The following NEDD4 variants were observed in gnomAD, a reference collection of about 807,000 sequenced individuals.
The protein encoded by NEDD4 is NEDD4 E3 ubiquitin protein ligase, also known as E3 ubiquitin-protein ligase NEDD4.
In NEDD4, 99 loss-of-function variants were observed where a neutral mutation model predicts 144.9. That is an observed-to-expected ratio of 0.68 (90% CI 0.58 to 0.81). The LOEUF is 0.81. NEDD4 is among the 30% of genes least tolerant of loss of function. The pLI, the probability that NEDD4 is intolerant of heterozygous loss-of-function variation, is 0.00. For missense variants in NEDD4, 985 were observed against 1,065.9 expected (o/e 0.92, Z 1.06); for synonymous variants, 318 against 350.6 (o/e 0.91, Z 1.04).
intron 2 of NEDD4, among the ~76,000 whole-genome samples, chr15:55,955,126 A>T (rs1341918256): frequency 6.6e-6 from 1 of 151,654 alleles, no homozygotes; most frequent in Non-Finnish European, 1.5e-5. Context: ...GGCTCAAGCA[A>T]TCCTCCCACC....
chr15:55,859,443 C>T (rs1441226338), intron 11 of NEDD4, among the ~76,000 whole-genome samples: 2 of 152,160 alleles, frequency 1.3e-5, no homozygotes, highest in Admixed American at 6.5e-5. Context: ...CCTGTAATCC[C>T]AGCACTTTGG....
intron 1 of NEDD4, among the ~76,000 whole-genome samples, chr15:55,984,896 G>C (rs2037864957): frequency 6.6e-6 from 1 of 152,198 alleles, no homozygotes; most frequent in Admixed American, 6.5e-5. Flanking sequence ...TCAGCTATCT[G>C]ACTTAAAGAT....
chr15:55,988,375 G>C (rs1442469701), intron 1 of NEDD4, among the ~76,000 whole-genome samples: 1 of 129,800 alleles, frequency 7.7e-6, no homozygotes, highest in Non-Finnish European at 1.6e-5. Flanking sequence ...CCTAATGCTA[G>C]ATGACACGTT....
chr15:55,949,368 T>C (rs2037186809), intron 4 of NEDD4, among the ~76,000 whole-genome samples: 1 of 152,150 alleles, frequency 6.6e-6, no homozygotes, highest in Non-Finnish European at 1.5e-5. Context: ...GTAAACTAGT[T>C]CAACCATTGT....
chr15:55,880,710 A>G (rs1207798374), intron 5 of NEDD4, among the ~76,000 whole-genome samples: 1 of 152,156 alleles, frequency 6.6e-6, no homozygotes, highest in East Asian at 1.9e-4. Flanking sequence ...TCAGAGTAAC[A>G]GTTATGTAAC....
intron 18 of NEDD4, 68 bp downstream of exon 18, chr15:55,846,901 A>G: frequency 9.7e-7 from 1 of 1,025,772 alleles, no homozygotes; most frequent in Non-Finnish European, 1.5e-6. Context: ...TTACTGTAAA[A>G]AACATTTCCC....
intron 4 of NEDD4, among the ~76,000 whole-genome samples, chr15:55,931,495 T>C: frequency 6.6e-6 from 1 of 152,054 alleles, no homozygotes; most frequent in African/African-American, 2.4e-5. Context: ...AGATGATATT[T>C]TAAGGAAAGG....
At chr15:55,837,228 G>A (rs2033248945) in intron 24 of NEDD4, among the ~76,000 whole-genome samples, 1 of 152,066 alleles carries the variant, frequency 6.6e-6, no homozygotes, top group Admixed American at 6.6e-5. Context: ...TCTGGAGTTT[G>A]AGACCAGCCC....
At chr15:55,928,365 C>T (rs2036716468) in intron 4 of NEDD4, among the ~76,000 whole-genome samples, 1 of 152,160 alleles carries the variant, frequency 6.6e-6, no homozygotes, top group Non-Finnish European at 1.5e-5. Context: ...ACCTAGAAGA[C>T]ATTTAAGCCA....
intron 5 of NEDD4, chr15:55,916,380 A>C (rs2036445452): frequency 6.2e-7 from 1 of 1,613,956 alleles, no homozygotes; most frequent in African/African-American, 1.3e-5. Flanking sequence ...AAAGTTACTA[A>C]GGCTACCACT....
chr15:55,889,839 T>TA (rs2142116848), intron 5 of NEDD4, among the ~76,000 whole-genome samples: 1 of 152,216 alleles, frequency 6.6e-6, no homozygotes, highest in Admixed American at 6.5e-5. Flanking sequence ...TAGCTAGAAT[T>TA]ACAGGCATGT....
chr15:55,929,795 T>C (rs535482635), intron 4 of NEDD4, among the ~76,000 whole-genome samples: 1 of 152,158 alleles, frequency 6.6e-6, no homozygotes, highest in East Asian at 1.9e-4. Flanking sequence ...AAAGAGATAA[T>C]TTAGGAAACA....
At chr15:55,861,311 T>C (rs932621833) in intron 9 of NEDD4, among the ~76,000 whole-genome samples, 3 of 152,176 alleles carry the variant, frequency 2.0e-5, no homozygotes, top group Non-Finnish European at 4.4e-5. Context: ...ATTACATATC[T>C]ATTAGTAATG....
chr15:55,879,816 CAGAA>C (rs1161023396), intron 5 of NEDD4, among the ~76,000 whole-genome samples: 5 of 151,976 alleles, frequency 3.3e-5, no homozygotes, highest in African/African-American at 1.2e-4. Flanking sequence ...AAAAAATTCT[CAGAA>C]AGTAGAACTA....
At chr15:55,929,685 TAGAG>T (rs1181336339) in intron 4 of NEDD4, among the ~76,000 whole-genome samples, 3 of 152,202 alleles carry the variant, frequency 2.0e-5, no homozygotes, top group Non-Finnish European at 2.9e-5. Flanking sequence ...GCATTTTACC[TAGAG>T]AAACAACAGA....
chr15:55,860,672 C>G lies in NEDD4; in HGVS notation c.781G>C (p.Glu261Gln). Residue 261 changes from glutamate to glutamine, a missense_variant, in exon 10 of 29, where the codon GAG (glutamate) becomes CAG (glutamine). Coordinates refer to ENST00000435532, the MANE Select transcript of NEDD4 (RefSeq NM_006154.4). The stretch of plus-strand genomic sequence containing the variant: ...GAAACTACTTATACCTCGGAAGACT[C>G]TCGGTTGTCAACACTTTCTGTTTCC... ...SEETESVDNR[E>Q]SSENWEIIRE... 1 of 1,614,134 alleles carries G rather than the reference C, an allele frequency of 6.2e-7. No individual in the cohort carries two copies. The highest frequency in any genetic ancestry group is 8.5e-7 in the Non-Finnish European group (1 of 1,179,978).
At chr15:55,833,949 T>A in intron 26 of NEDD4, 89 bp downstream of exon 26, 1 of 936,486 alleles carries the variant, frequency 1.1e-6, no homozygotes, top group Non-Finnish European at 1.6e-6. Flanking sequence ...CAGTTAAATG[T>A]AATCCACCAG....
At chr15:55,922,377 T>G (rs550844060) in intron 5 of NEDD4, among the ~76,000 whole-genome samples, 1 of 152,268 alleles carries the variant, frequency 6.6e-6, no homozygotes, top group East Asian at 1.9e-4. Context: ...TTTTGCTTTT[T>G]TGGAGACAGA....
At chr15:55,857,454 G>A (rs894643938) in intron 11 of NEDD4, among the ~76,000 whole-genome samples, 1 of 151,936 alleles carries the variant, frequency 6.6e-6, no homozygotes, top group African/African-American at 2.4e-5. Flanking sequence ...TCAGCCTACC[G>A]AGTAGCTGGG....
Sources: gnomAD v4.1 joint callset for allele counts (sites outside exome capture counted in the v4.1 genomes callset) on GRCh38, gnomAD v4.1.1 for gene constraint, MANE v1.5 for transcripts, NCBI Gene and HGNC (gene_info 2026-07-23, HGNC 2026-07-21) for gene names.